The following LRP1B variants were observed in gnomAD, a reference collection of about 807,000 sequenced individuals.
LRP1B encodes the protein low-density lipoprotein receptor-related protein 1B.
A neutral mutation model predicts 556.6 loss-of-function variants in LRP1B; 217 were observed. The observed-to-expected ratio is 0.39, with a 90% confidence interval of 0.35 to 0.44. The LOEUF is 0.44. Among genes scored for constraint, LRP1B ranks in the 20% least tolerant of loss-of-function variants. The pLI is 1.00. For missense variants in LRP1B, 5,053 were observed against 5,620.8 expected (o/e 0.90, Z 3.23); for synonymous variants, 2,047 against 1,865.8 (o/e 1.10, Z -2.50).
intron 7 of LRP1B, among the ~76,000 whole-genome samples, chr2:141,109,722 A>G (rs1700701177): frequency 2.6e-5 from 4 of 152,190 alleles, no homozygotes; most frequent in Admixed American, 2.6e-4. Flanking sequence ...AAAAAAGGAA[A>G]GTGAAGACTG....
At chr2:140,578,745 AAAAAT>A (rs1477737584) in intron 43 of LRP1B, among the ~76,000 whole-genome samples, 3 of 152,202 alleles carry the variant, frequency 2.0e-5, no homozygotes, top group Non-Finnish European at 2.9e-5. Context: ...TATAATAAAA[AAAAAT>A]AAAATAAATA....
chr2:140,841,516 T>C (rs967479235), intron 29 of LRP1B, among the ~76,000 whole-genome samples: 4 of 152,144 alleles, frequency 2.6e-5, no homozygotes, highest in Non-Finnish European at 4.4e-5. Context: ...TGCCAATTTG[T>C]TACTAAAATG....
Position 141,803,331 on chromosome 2 carries a change from A to G in LRP1B, c.205+6948T>C, listed in dbSNP as rs72987324. Reference sequence around the variant, plus strand: ...TGACCCCACTGTACTGGGCAAATGTACCAGTGTTAGGCCCTTTCAATTCAC... The same window carrying G: ...TGACCCCACTGTACTGGGCAAATGTGCCAGTGTTAGGCCCTTTCAATTCAC... On this transcript the variant is annotated intron_variant, in intron 2 of 90. Transcript: ENST00000389484. Among the ~76,000 whole-genome samples the G allele has an allele frequency of 7.4e-3, 1,116 of 151,528 alleles. 18 individuals are homozygous for G. The highest frequency in any genetic ancestry group is 0.025 in the African/African-American group (1,032 of 41,240).
chr2:141,660,140 T>G (rs355571), intron 2 of LRP1B, among the ~76,000 whole-genome samples: 2 of 151,488 alleles, frequency 1.3e-5, no homozygotes, highest in Non-Finnish European at 2.9e-5. Context: ...CAGGTTCTCT[T>G]GCTGGGATTG....
chr2:140,598,756 C>T lies in LRP1B; in HGVS notation c.7069G>A (p.Val2357Met), dbSNP rs1682540165. ...GGAGTGAGTATGTCTGTACTGACCA[C>T]CACTTGAGCATTTTTCCCAGTCAGA... ...STLTGKNAQVVVSTDILTPNG... is the reference protein window; with the variant it reads ...STLTGKNAQVMVSTDILTPNG... The change falls in exon 43 of 91, where the codon GTG (valine) becomes ATG (methionine). Residue 2357 changes from valine to methionine, a missense_variant. This residue lies in a region of LRP1B where 3,619 missense variants were observed against 3,931.9 expected (regional missense o/e 0.92). Transcript: ENST00000389484. 6.2e-7 allele frequency: 1 copy of T among 1,612,794 alleles called. No individual in the cohort carries two copies. Among genetic ancestry groups the T allele is most frequent in the South Asian group, 1.1e-5 (1 of 91,056 alleles).
In LRP1B at chr2:141,328,566, A is replaced by T. The variant is rs184509152; in HGVS notation, c.344-73925T>A. 3.9e-5 allele frequency among the ~76,000 whole-genome samples: 6 copies of T among 152,334 alleles called. 1 individual carries two copies. Among genetic ancestry groups the T allele is most frequent in the Admixed American group, 3.9e-4 (6 of 15,296 alleles). On this transcript the variant is annotated intron_variant, in intron 3 of 90. Transcript: ENST00000389484. ...GAGTGGCAGTTTCCAGTTAGGACTCAATATTTAAGCCCTCTAATCTGATTT... is the reference window on the plus strand; with the variant it reads ...GAGTGGCAGTTTCCAGTTAGGACTCTATATTTAAGCCCTCTAATCTGATTT...
intron 1 of LRP1B, among the ~76,000 whole-genome samples, chr2:142,021,363 C>T (rs192938297): frequency 6.6e-6 from 1 of 151,928 alleles, no homozygotes; most frequent in African/African-American, 2.4e-5. Flanking sequence ...AGGCCCACAA[C>T]AATATTACTT....
chr2:142,089,837 A>G (rs1345903647), intron 1 of LRP1B, among the ~76,000 whole-genome samples: 5 of 152,174 alleles, frequency 3.3e-5, no homozygotes, highest in African/African-American at 1.2e-4. Context: ...TAACATGTTT[A>G]AGAATATATT....
At position 140,547,793 on chromosome 2, in the gene LRP1B, A is replaced by G. The variant is rs1032881562; in HGVS notation, c.7195-5822T>C. Among the ~76,000 whole-genome samples the G allele has an allele frequency of 2.3e-4, 35 of 152,080 alleles. 1 individual carries two copies. The highest frequency in any genetic ancestry group is 2.3e-3 in the Admixed American group (35 of 15,248). The stretch of plus-strand genomic sequence containing the variant: ...TAATCAGTATCCACTTTAGAACTAT[A>G]GACTTTTGTGATTTCCGCTTGCAGA... On this transcript the variant is annotated intron_variant, in intron 43 of 90. Transcript: ENST00000389484.
chr2:140,846,741 A>T (rs975541447), intron 29 of LRP1B, among the ~76,000 whole-genome samples: 2 of 152,078 alleles, frequency 1.3e-5, no homozygotes, highest in Non-Finnish European at 2.9e-5. Context: ...CTAAGTGAGA[A>T]AATACAGAGA....
intron 3 of LRP1B, among the ~76,000 whole-genome samples, chr2:141,303,221 A>T (rs1297922374): frequency 6.6e-6 from 1 of 152,120 alleles, no homozygotes; most frequent in East Asian, 1.9e-4. Flanking sequence ...ATGGTTAATG[A>T]TGAAGTCAGG....
At chr2:141,033,529 T>C (rs1374088305) in intron 11 of LRP1B, among the ~76,000 whole-genome samples, 3 of 96,702 alleles carry the variant, frequency 3.1e-5, no homozygotes, top group Admixed American at 2.6e-4. Flanking sequence ...GGACTGAATG[T>C]TCCTGTCCCT....
intron 41 of LRP1B, among the ~76,000 whole-genome samples, chr2:140,612,072 G>A (rs1030171130): frequency 6.6e-6 from 1 of 151,962 alleles, no homozygotes; most frequent in Non-Finnish European, 1.5e-5. Flanking sequence ...CAAGCAATAA[G>A]GATGATTGTT....
chr2:141,853,899 T>A (rs1697952137), intron 1 of LRP1B, among the ~76,000 whole-genome samples: 1 of 152,016 alleles, frequency 6.6e-6, no homozygotes, highest in Non-Finnish European at 1.5e-5. Context: ...TTATGATATA[T>A]TTGTTGTGAC....
intron 2 of LRP1B, among the ~76,000 whole-genome samples, chr2:141,689,031 A>G (rs76156493): frequency 0.082 from 12,485 of 151,878 alleles, 999 homozygotes; most frequent in African/African-American, 0.2. Context: ...GATGCTATCA[A>G]TTAAAGTGCT....
At chr2:140,711,491 A>G (rs1213955874) in intron 37 of LRP1B, among the ~76,000 whole-genome samples, 1 of 151,968 alleles carries the variant, frequency 6.6e-6, no homozygotes, top group African/African-American at 2.4e-5. Context: ...TGGTAACTCA[A>G]AGTTAACCCA....
intron 3 of LRP1B, among the ~76,000 whole-genome samples, chr2:141,383,679 A>C (rs757785422): frequency 6.6e-6 from 1 of 152,220 alleles, no homozygotes; most frequent in Non-Finnish European, 1.5e-5. Context: ...CAGGCTTTAA[A>C]AGGCAGGAAA....
chr2:141,452,540 T>C (rs1681460049), intron 3 of LRP1B, among the ~76,000 whole-genome samples: 1 of 152,218 alleles, frequency 6.6e-6, no homozygotes, highest in South Asian at 2.1e-4. Context: ...TAGTATATCT[T>C]TTCATTAGCA....
chr2:140,631,203 C>T (rs1683870834), intron 41 of LRP1B, among the ~76,000 whole-genome samples: 1 of 152,102 alleles, frequency 6.6e-6, no homozygotes, highest in Non-Finnish European at 1.5e-5. Context: ...CACACACACA[C>T]TAAAGGTCAA....
Sources: allele counts gnomAD v4.1 joint callset (sites outside exome capture counted in the v4.1 genomes callset), GRCh38; gene constraint gnomAD v4.1.1; regional missense constraint gnomAD v4.1.1; transcripts MANE v1.5; gene names NCBI Gene and HGNC (gene_info 2026-07-23, HGNC 2026-07-21).